The following NTAQ1 variants were observed in gnomAD, a reference collection of about 807,000 sequenced individuals.
The protein encoded by NTAQ1 is N-terminal glutamine amidase 1, also known as protein N-terminal glutamine amidohydrolase.
NTAQ1 carries 21 observed loss-of-function variants against 28.2 expected under a neutral mutation model. The observed-to-expected ratio is 0.74, with a 90% CI of 0.53 to 1.07. The LOEUF (loss-of-function observed/expected upper bound fraction) is 1.07. Ranked by LOEUF, NTAQ1 falls within the 50% of genes least tolerant of loss-of-function variation. The probability of loss-of-function intolerance (pLI) is 0.00; values close to 1 mark genes in which losing one functional copy is unlikely to be tolerated. For synonymous variants in NTAQ1, 105 were observed against 90.0 expected (o/e 1.17, Z -0.94); for missense variants, 264 against 256.6 (o/e 1.03, Z -0.20).
At chr8:123,420,150 G>A (rs540766946) in intron 1 of NTAQ1, among the ~76,000 whole-genome samples, 2 of 151,942 alleles carry the variant, frequency 1.3e-5, no homozygotes, top group Non-Finnish European at 2.9e-5. Context: ...CCACTTATAC[G>A]CAAGAATATT....
downstream of NTAQ1, among the ~76,000 whole-genome samples, chr8:123,445,315 A>G (rs149028518): frequency 9.0e-4 from 135 of 149,902 alleles, no homozygotes; most frequent in African/African-American, 3.0e-3. Context: ...ATTGTTCTGT[A>G]TTTTACTTTT....
chr8:123,432,113 C>T (rs1814433808), intron 3 of NTAQ1, among the ~76,000 whole-genome samples: 1 of 152,154 alleles, frequency 6.6e-6, no homozygotes, highest in Non-Finnish European at 1.5e-5. Flanking sequence ...GGGTAGGCCT[C>T]GCTGAGTGAG....
chr8:123,465,097 A>G (rs1251872585), intron 6 of NTAQ1, among the ~76,000 whole-genome samples: 1 of 152,102 alleles, frequency 6.6e-6, no homozygotes, highest in Non-Finnish European at 1.5e-5. Flanking sequence ...CATTTTTAAA[A>G]CCCTTTTATT....
chr8:123,462,212 AT>A (rs1260057848), intron 6 of NTAQ1, among the ~76,000 whole-genome samples: 12 of 151,758 alleles, frequency 7.9e-5, no homozygotes, highest in Non-Finnish European at 1.5e-5. Context: ...CGCCTGGCTA[AT>A]TTTTTTGTAT....
intron 3 of NTAQ1, among the ~76,000 whole-genome samples, chr8:123,434,283 A>G (rs1280473173): frequency 6.6e-6 from 1 of 152,130 alleles, no homozygotes; most frequent in Non-Finnish European, 1.5e-5. Context: ...TTGCATCTGC[A>G]GTTCAGCAGC....
rs1815068043 is a variant in NTAQ1, at chr8:123,441,494, T to C, written c.*79T>C. On this transcript the variant is annotated 3_prime_UTR_variant, in exon 6 of 6. Coordinates refer to ENST00000287387, the MANE Select transcript of NTAQ1 (RefSeq NM_018024.3). ...TCCTTTCATCGAGGACAGCAAACAT[T>C]ATGGTACAGTTGGCTTGGAATTATG... 9.0e-6 allele frequency: 10 copies of C among 1,108,236 alleles called. No individual in the cohort carries two copies. In the South Asian group the frequency reaches 1.4e-4, roughly 15 times the overall value. The allele number at this position is 1,108,236 out of a possible 1,614,324, so 68.7% of individuals were successfully genotyped here.
chr8:123,422,748 G>C (rs1369883511), intron 1 of NTAQ1, among the ~76,000 whole-genome samples: 1 of 151,856 alleles, frequency 6.6e-6, no homozygotes, highest in Non-Finnish European at 1.5e-5. Context: ...TATTTCCTAG[G>C]TTTTCTTCTA....
chr8:123,427,795 G>A (rs1814153377), intron 1 of NTAQ1, 129 bp from the exon 2 acceptor site: 2 of 697,998 alleles, frequency 2.9e-6, no homozygotes, highest in Admixed American at 2.7e-5. Context: ...TCAGACATTA[G>A]CCAGTTGTTG....
downstream of NTAQ1, among the ~76,000 whole-genome samples, chr8:123,474,971 T>C (rs1364574634): frequency 6.6e-6 from 1 of 152,226 alleles, no homozygotes; most frequent in East Asian, 1.9e-4. Context: ...GGATGATTCT[T>C]GCCTGCCACA....
intron 6 of NTAQ1, among the ~76,000 whole-genome samples, chr8:123,456,638 CAA>C (rs771708540): frequency 3.9e-5 from 6 of 152,308 alleles, no homozygotes; most frequent in Non-Finnish European, 5.9e-5. Flanking sequence ...TCAGGGGAAA[CAA>C]GAGATAGTTA....
intron 1 of NTAQ1, among the ~76,000 whole-genome samples, chr8:123,420,452 G>A (rs968351431): frequency 5.9e-5 from 9 of 152,068 alleles, no homozygotes; most frequent in African/African-American, 7.2e-5. Flanking sequence ...TTGCTAGGTC[G>A]CATCATAGTT....
intron 6 of NTAQ1, among the ~76,000 whole-genome samples, chr8:123,462,819 C>G (rs1374681357): frequency 6.6e-6 from 1 of 152,176 alleles, no homozygotes; most frequent in Non-Finnish European, 1.5e-5. Flanking sequence ...AATTGAAACT[C>G]AAGATTTTGA....
At chr8:123,426,927 T>G (rs926185817) in intron 1 of NTAQ1, among the ~76,000 whole-genome samples, 15 of 152,124 alleles carry the variant, frequency 9.9e-5, no homozygotes, top group African/African-American at 3.1e-4. Context: ...ACCACTGCAC[T>G]CCATCCTGGG....
At chr8:123,449,072 G>C (rs904553789), downstream of NTAQ1, among the ~76,000 whole-genome samples, 7 of 152,182 alleles carry the variant, frequency 4.6e-5, no homozygotes, top group African/African-American at 1.7e-4. Flanking sequence ...TCCTGGGAAG[G>C]AAAGAAAGAA....
chr8:123,450,045 T>C (rs1815443855), downstream of NTAQ1, among the ~76,000 whole-genome samples: 1 of 143,366 alleles, frequency 7.0e-6, no homozygotes, highest in Non-Finnish European at 1.5e-5. Flanking sequence ...AGACATCTGT[T>C]AATAGATGAC....
At chr8:123,453,003 T>C (rs987666280), downstream of NTAQ1, among the ~76,000 whole-genome samples, 7 of 152,244 alleles carry the variant, frequency 4.6e-5, no homozygotes, top group Admixed American at 6.5e-5. Context: ...TCCTGAGGTT[T>C]CCATGGGGAC....
At chr8:123,456,555 C>T (rs1258423891) in intron 6 of NTAQ1, among the ~76,000 whole-genome samples, 1 of 152,152 alleles carries the variant, frequency 6.6e-6, no homozygotes, top group Non-Finnish European at 1.5e-5. Flanking sequence ...GGAATTACAC[C>T]AGAATAAAGT....
chr8:123,435,099 A>G (rs893778041), intron 3 of NTAQ1, among the ~76,000 whole-genome samples: 1 of 152,148 alleles, frequency 6.6e-6, no homozygotes, highest in African/African-American at 2.4e-5. Flanking sequence ...TGGTATTACT[A>G]ATGTTGCTAG....
intron 1 of NTAQ1, among the ~76,000 whole-genome samples, chr8:123,421,943 G>A (rs976026905): frequency 6.6e-6 from 1 of 152,024 alleles, no homozygotes; most frequent in Non-Finnish European, 1.5e-5. Flanking sequence ...GCCTCCCAAA[G>A]TGCTGGGATT....
Sources: gnomAD v4.1 joint callset for allele counts (sites outside exome capture counted in the v4.1 genomes callset) on GRCh38, gnomAD v4.1.1 for gene constraint, MANE v1.5 for transcripts, NCBI Gene and HGNC (gene_info 2026-07-23, HGNC 2026-07-21) for gene names.